The following KIAA0408 variants were observed in gnomAD, a reference collection of about 807,000 sequenced individuals.
KIAA0408 encodes KIAA0408.
KIAA0408 carries 51 observed loss-of-function variants against 60.9 expected under a neutral mutation model. The ratio of observed to expected loss-of-function variants is 0.84; its 90% CI spans 0.67 to 1.06. The LOEUF (loss-of-function observed/expected upper bound fraction) is 1.06. Among genes scored for constraint, KIAA0408 ranks in the 50% least tolerant of loss-of-function variants. KIAA0408 has a pLI of 0.00. For missense variants in KIAA0408, 787 were observed against 833.9 expected (o/e 0.94, Z 0.69); for synonymous variants, 304 against 282.4 (o/e 1.08, Z -0.77).
intron 1 of KIAA0408, among the ~76,000 whole-genome samples, chr6:127,455,933 T>C (rs1410189851): frequency 1.3e-5 from 2 of 152,182 alleles, no homozygotes; most frequent in Non-Finnish European, 2.9e-5. Context: ...GGTTTTTGTT[T>C]GTTTTGGCTA....
In KIAA0408 at chr6:127,439,518, AAG is replaced by A. The variant is rs1220924407; in HGVS notation, c.*4589_*4590del. 1 of 152,210 alleles carries A rather than the reference AAG, an allele frequency of 6.6e-6. No homozygotes were observed. The highest frequency in any genetic ancestry group is 1.5e-5 in the Non-Finnish European group (1 of 68,022). The allele number at this position is 152,210 out of a possible 1,614,324, so 9.4% of individuals were successfully genotyped here. A position where few individuals can be genotyped will look rare whatever the true frequency, so the allele number is the denominator to read the frequency against. ...GGTGATGACTTTTGATGATCATTGAAAGAGGGAATCAACAGAAACTCCCAATG... is the reference window on the plus strand; with the variant it reads ...GGTGATGACTTTTGATGATCATTGAAAGGGAATCAACAGAAACTCCCAATG... On this transcript the variant is annotated 3_prime_UTR_variant, in exon 6 of 6. Transcript: ENST00000483725.
intron 1 of KIAA0408, among the ~76,000 whole-genome samples, chr6:127,458,936 A>C (rs1405790195): frequency 6.6e-6 from 1 of 152,240 alleles, no homozygotes; most frequent in East Asian, 1.9e-4. Context: ...TGGTACTGTC[A>C]GTCCACAGTT....
At chr6:127,453,541 G>A (rs113393336) in intron 2 of KIAA0408, among the ~76,000 whole-genome samples, 2,187 of 151,892 alleles carry the variant, frequency 0.014, 64 homozygotes, top group African/African-American at 0.048. Flanking sequence ...CCTGGACCTG[G>A]TATTTGAAAA....
At chr6:127,446,007 TTAA>T (rs1773185718) in intron 5 of KIAA0408, among the ~76,000 whole-genome samples, 1 of 152,152 alleles carries the variant, frequency 6.6e-6, no homozygotes, top group African/African-American at 2.4e-5. Flanking sequence ...CCAATCATAG[TTAA>T]TAACTGAAAA....
Position 127,453,973 on chromosome 6 carries a change from TAGGTCCATGGC to T in KIAA0408, c.-3_8del. On this transcript the variant is annotated start_lost and 5_prime_UTR_variant, in exon 2 of 6. Transcript: ENST00000483725. ...TCTCTGTGTTCTCCCACTGCTTATG[TAGGTCCATGGC>T]AACAGTGTAAGTGTCAGCAAAGAAG... 6.2e-7 allele frequency: 1 copy of T among 1,612,464 alleles called. No individual in the cohort carries two copies.
At position 127,446,781 on chromosome 6, in the gene KIAA0408, G is replaced by A. The variant is rs1773204750; in HGVS notation, c.1538C>T (p.Thr513Ile). ...TACTAGGCCTGTTGTGGATTTCTTG[G>A]TGGGATTATCAGGCACATTTTCCAT... is the stretch of plus-strand genomic sequence containing the variant. ...VPMENVPDNP[T>I]KKSTTGLVRQ... is the part of the protein sequence containing the mutation. Residue 513 changes from threonine to isoleucine, a missense_variant, in exon 5 of 6, where the codon ACC becomes ATC. By Grantham distance (89) the Thr-to-Ile change is moderately conservative. This residue lies in a region of KIAA0408 where 640 missense variants were observed against 681.3 expected (regional missense o/e 0.94). Coordinates refer to ENST00000483725, the MANE Select transcript of KIAA0408 (RefSeq NM_014702.5). 6.2e-7 allele frequency: 1 copy of A among 1,613,868 alleles called. No homozygotes were observed. Among genetic ancestry groups the A allele is most frequent in the African/African-American group, 1.3e-5 (1 of 74,882 alleles).
In KIAA0408 at chr6:127,446,589, G is replaced by T; in HGVS notation, c.1730C>A (p.Ala577Glu). 1.2e-6 allele frequency: 2 copies of T among 1,614,128 alleles called. No individual in the cohort carries two copies. The highest frequency in any genetic ancestry group is 1.7e-6 in the Non-Finnish European group (2 of 1,180,028). Reference protein sequence around the residue: ...LKTYETATESALQNSKCFQDN... With the variant: ...LKTYETATESELQNSKCFQDN... Reference sequence around the variant, plus strand: ...CTGGAAGCACTTAGAATTTTGCAATGCAGACTCTGTTGCTGTCTCATAGGT... The same window carrying T: ...CTGGAAGCACTTAGAATTTTGCAATTCAGACTCTGTTGCTGTCTCATAGGT... Residue 577 changes from alanine to glutamate, a missense_variant, in exon 5 of 6, where the codon GCA becomes GAA. Transcript: ENST00000483725.
chr6:127,444,268 C>CA lies in KIAA0408; in HGVS notation c.1925dup (p.Asn643GlufsTer13). The CA allele has an allele frequency of 6.3e-7, 1 of 1,593,826 alleles. No individual in the cohort carries two copies. Among genetic ancestry groups the CA allele is most frequent in the Non-Finnish European group, 8.5e-7 (1 of 1,170,998 alleles). On this transcript the variant is annotated frameshift_variant, in exon 6 of 6. Coordinates refer to ENST00000483725, the MANE Select transcript of KIAA0408 (RefSeq NM_014702.5). LOFTEE classifies it high-confidence loss of function. ...AAAATCCTTTTCCATGTGAGGCGTTCACTGACATGGATTCCTAGGACACAA... is the reference window on the plus strand; with the variant it reads ...AAAATCCTTTTCCATGTGAGGCGTTCAACTGACATGGATTCCTAGGACACAA...
In KIAA0408 at chr6:127,453,938, T is replaced by C; in HGVS notation, c.44A>G (p.His15Arg). 1.2e-6 allele frequency: 2 copies of C among 1,613,070 alleles called. No homozygotes were observed. Among genetic ancestry groups the C allele is most frequent in the South Asian group, 1.1e-5 (1 of 91,006 alleles). ...KQWENTETNW[H>R]KEKMELLDQF... Reference sequence around the variant, plus strand: ...GTCCAGTAATTCCATCTTTTCCTTATGCCAGTTAGTCTCTGTGTTCTCCCA... The same window carrying C: ...GTCCAGTAATTCCATCTTTTCCTTACGCCAGTTAGTCTCTGTGTTCTCCCA... The change falls in exon 2 of 6, where the codon CAT becomes CGT. Residue 15 changes from histidine to arginine, a missense_variant. By Grantham distance (29) the His-to-Arg change is conservative (BLOSUM62 0). Transcript: ENST00000483725.
At chr6:127,448,036 T>TCC (rs1209021247) in intron 4 of KIAA0408, among the ~76,000 whole-genome samples, 1 of 152,186 alleles carries the variant, frequency 6.6e-6, no homozygotes, top group South Asian at 2.1e-4. Flanking sequence ...TTAAACTATG[T>TCC]AGTCTCCTGG....
At position 127,443,945 on chromosome 6, in the gene KIAA0408, G is replaced by T. The variant is rs996045209; in HGVS notation, c.*164C>A. 8.2e-5 allele frequency: 51 copies of T among 621,990 alleles called. No homozygotes were observed. The Admixed American group carries it at 1.0e-3, about 12-fold the overall frequency. 38.5% of individuals were successfully genotyped at this position (621,990 alleles called of 1,614,324 possible). The stretch of plus-strand genomic sequence containing the variant: ...AAATTCTGATCTAAGAAATCAAAAT[G>T]CAGGAAGATAATTATTCCTTAGATT... On this transcript the variant is annotated 3_prime_UTR_variant, in exon 6 of 6. Coordinates refer to ENST00000483725, the MANE Select transcript of KIAA0408 (RefSeq NM_014702.5).
Position 127,446,744 on chromosome 6 carries a change from C to T in KIAA0408, c.1575G>A (p.Gln525=), listed in dbSNP as rs770772164. Residue 525 remains glutamine (Q), a synonymous_variant, in exon 5 of 6, where the codon CAG becomes CAA. Coordinates refer to ENST00000483725, the MANE Select transcript of KIAA0408 (RefSeq NM_014702.5). ...KSTTGLVRQM[Q]GHLSPRSYRN... is the part of the protein sequence containing the mutation. The stretch of plus-strand genomic sequence containing the variant: ...GATAACTGCGAGGACTTAGGTGTCC[C>T]TGCATTTGTCTTACTAGGCCTGTTG... 5.6e-6 allele frequency: 9 copies of T among 1,613,776 alleles called. No individual in the cohort carries two copies. Among genetic ancestry groups the T allele is most frequent in the Non-Finnish European group, 7.6e-6 (9 of 1,179,960 alleles).
At position 127,447,299 on chromosome 6, in the gene KIAA0408, CAA is replaced by C. The variant is rs1562369817; in HGVS notation, c.1018_1019del (p.Leu340GlyfsTer8). 2 of 1,613,994 alleles carry C rather than the reference CAA, an allele frequency of 1.2e-6. No individual in the cohort carries two copies. Among genetic ancestry groups the C allele is most frequent in the Non-Finnish European group, 1.7e-6 (2 of 1,179,966 alleles). ...TSKDGIIFSS[L>X]VPEVKIDSKP... is the part of the protein sequence containing the mutation. Reference sequence around the variant, plus strand: ...TGCTATCTATTTTGACTTCTGGTACCAAAGAGGAAAAGATGATACCATCTTTC... The same window carrying C: ...TGCTATCTATTTTGACTTCTGGTACCAGAGGAAAAGATGATACCATCTTTC... On this transcript the variant is annotated frameshift_variant, in exon 5 of 6. Coordinates refer to ENST00000483725, the MANE Select transcript of KIAA0408 (RefSeq NM_014702.5). LOFTEE classifies it high-confidence loss of function.
rs750061021 is a variant in KIAA0408 at position 127,450,083 on chromosome 6, A to T, written c.405T>A (p.Pro135=). Residue 135 remains proline (P), a synonymous_variant, in exon 3 of 6, where the codon CCT becomes CCA. Coordinates refer to ENST00000483725, the MANE Select transcript of KIAA0408 (RefSeq NM_014702.5). ...ATTCCTTTTGGTTGTCTGTAGCCAAAGGATCCAAAAACCCTACTTTTGATT... is the reference window on the plus strand; with the variant it reads ...ATTCCTTTTGGTTGTCTGTAGCCAATGGATCCAAAAACCCTACTTTTGATT... ...TKKSKVGFLD[P]LATDNQKECE... The T allele has an allele frequency of 6.2e-7, 1 of 1,614,138 alleles. No individual in the cohort carries two copies. The highest frequency in any genetic ancestry group is 8.5e-7 in the Non-Finnish European group (1 of 1,179,990).
chr6:127,447,077 TGAGGAGC>T lies in KIAA0408; in HGVS notation c.1235_1241del (p.Ser412LysfsTer2). ...TAAGTGGGCTACTGCTCTCTGCTAC[TGAGGAGC>T]TACAGTCATTACTTACATGAAGATC... On this transcript the variant is annotated frameshift_variant, in exon 5 of 6. Transcript: ENST00000483725. LOFTEE classifies it high-confidence loss of function. 2 of 1,613,904 alleles carry T rather than the reference TGAGGAGC, an allele frequency of 1.2e-6. No homozygotes were observed. Among genetic ancestry groups the T allele is most frequent in the Non-Finnish European group, 1.7e-6 (2 of 1,179,952 alleles).
In KIAA0408 at chr6:127,447,128, G is replaced by C. The variant is rs749886586; in HGVS notation, c.1191C>G (p.His397Gln). 6.2e-7 allele frequency: 1 copy of C among 1,613,966 alleles called. No homozygotes were observed. Among genetic ancestry groups the C allele is most frequent in the East Asian group, 2.2e-5 (1 of 44,878 alleles). Residue 397 changes from histidine to glutamine, a missense_variant, in exon 5 of 6, where the codon CAC becomes CAG. By Grantham distance (24) the His-to-Gln change is conservative (BLOSUM62 0). Transcript: ENST00000483725. ...NPKYEMVIPD[H>Q]PAKSHPDLHV... ...GAAGATCAGGATGAGATTTAGCAGG[G>C]TGATCTGGGATCACCATTTCATATT...
At chr6:127,451,788 G>A (rs1773306795) in intron 2 of KIAA0408, among the ~76,000 whole-genome samples, 1 of 151,848 alleles carries the variant, frequency 6.6e-6, no homozygotes, top group South Asian at 2.1e-4. Flanking sequence ...CTAATTTTAT[G>A]CCATCTTAAA....
chr6:127,446,653 G>T lies in KIAA0408; in HGVS notation c.1666C>A (p.Pro556Thr). The change falls in exon 5 of 6, where the codon CCC (proline) becomes ACC (threonine). Residue 556 changes from proline (P) to threonine (T), a missense_variant. Physicochemically the swap from Pro to Thr is conservative, Grantham distance 38. Coordinates refer to ENST00000483725, the MANE Select transcript of KIAA0408 (RefSeq NM_014702.5). Reference sequence around the variant, plus strand: ...TCCACAACACCATAATTTGACCTGGGATCAGCTGACCTCGGACGGCCAGAC... The same window carrying T: ...TCCACAACACCATAATTTGACCTGGTATCAGCTGACCTCGGACGGCCAGAC... ...NLSGRPRSAD[P>T]RSNYGVVEKL... 1 of 1,614,022 alleles carries T rather than the reference G, an allele frequency of 6.2e-7. No individual in the cohort carries two copies. Among genetic ancestry groups the T allele is most frequent in the Non-Finnish European group, 8.5e-7 (1 of 1,180,012 alleles).
rs1386592595 is a variant in KIAA0408 at position 127,454,132 on chromosome 6, A to T, written c.-120-31T>A. Reference sequence around the variant, plus strand: ...ATAAACATAACAAGAGAGAGTTCCAAATCCATGTGCTTTCTGGAAATATAT... The same window carrying T: ...ATAAACATAACAAGAGAGAGTTCCATATCCATGTGCTTTCTGGAAATATAT... On this transcript the variant is annotated intron_variant, in intron 1 of 5. Coordinates refer to ENST00000483725, the MANE Select transcript of KIAA0408 (RefSeq NM_014702.5). The T allele has an allele frequency of 8.3e-6, 11 of 1,320,892 alleles. No individual in the cohort carries two copies. The South Asian group carries it at 2.7e-4, about 32-fold the overall frequency. The allele number at this position is 1,320,892 out of a possible 1,614,324, so 81.8% of individuals were successfully genotyped here.
Sources: gnomAD v4.1 joint callset for allele counts (sites outside exome capture counted in the v4.1 genomes callset) on GRCh38, gnomAD v4.1.1 for gene constraint, gnomAD v4.1.1 regional missense constraint, MANE v1.5 for transcripts, NCBI Gene and HGNC (gene_info 2026-07-23, HGNC 2026-07-21) for gene names.